Variants in KLHL29 observed in about 807,000 individuals in gnomAD.
The protein encoded by KLHL29 is kelch-like protein 29.
A neutral mutation model predicts 80.4 loss-of-function variants in KLHL29; 21 were observed. The ratio of observed to expected loss-of-function variants is 0.26; its 90% CI spans 0.19 to 0.38. The LOEUF is 0.38. Among genes scored for constraint, KLHL29 ranks in the 10% least tolerant of loss-of-function variants. The pLI, the probability that KLHL29 is intolerant of heterozygous loss-of-function variation, is 1.00. For missense variants in KLHL29, 867 were observed against 1,223.9 expected (o/e 0.71, Z 4.35); for synonymous variants, 511 against 526.8 (o/e 0.97, Z 0.41).
intron 2 of KLHL29, among the ~76,000 whole-genome samples, chr2:23,534,080 G>A (rs925123455): frequency 3.3e-5 from 5 of 152,256 alleles, no homozygotes; most frequent in African/African-American, 7.2e-5. Context: ...TTTCGGGGAT[G>A]CCTTTCCAAG....
At chr2:23,591,547 C>G (rs886896700) in intron 3 of KLHL29, among the ~76,000 whole-genome samples, 8 of 151,562 alleles carry the variant, frequency 5.3e-5, no homozygotes, top group Admixed American at 2.0e-4. Flanking sequence ...CCTCCTGCTC[C>G]TTACCCCCCA....
intron 3 of KLHL29, among the ~76,000 whole-genome samples, chr2:23,573,754 C>G (rs1043612548): frequency 2.0e-5 from 3 of 152,200 alleles, no homozygotes. Flanking sequence ...CCTTAACAGC[C>G]AGGTGGGGTG....
chr2:23,420,079 C>CG (rs949042396), intron 1 of KLHL29, among the ~76,000 whole-genome samples: 1 of 152,176 alleles, frequency 6.6e-6, no homozygotes, highest in Non-Finnish European at 1.5e-5. Context: ...GTGGCCGGCA[C>CG]GGGGGGTCCT....
intron 1 of KLHL29, among the ~76,000 whole-genome samples, chr2:23,467,852 C>A (rs1309628662): frequency 1.3e-5 from 2 of 152,018 alleles, no homozygotes; most frequent in Non-Finnish European, 2.9e-5. Flanking sequence ...CACTCTTGCA[C>A]ACGTGATCAG....
chr2:23,394,808 T>A (rs187459956), intron 1 of KLHL29, among the ~76,000 whole-genome samples: 20 of 152,302 alleles, frequency 1.3e-4, no homozygotes, highest in Admixed American at 1.2e-3. Context: ...TCTTTGCAAA[T>A]GGAACAAAAA....
At chr2:23,565,563 G>C (rs1667570059) in intron 3 of KLHL29, among the ~76,000 whole-genome samples, 1 of 152,100 alleles carries the variant, frequency 6.6e-6, no homozygotes, top group South Asian at 2.1e-4. Flanking sequence ...ACTGGTAACA[G>C]CCAGGTGACC....
intron 5 of KLHL29, among the ~76,000 whole-genome samples, chr2:23,656,432 G>T (rs1257249418): frequency 1.3e-5 from 2 of 152,244 alleles, no homozygotes; most frequent in Non-Finnish European, 2.9e-5. Flanking sequence ...CCAGGAGCAG[G>T]CATGAGAAAT....
intron 3 of KLHL29, among the ~76,000 whole-genome samples, chr2:23,582,219 G>T (rs146810714): frequency 0.014 from 2,130 of 152,280 alleles, 29 homozygotes; most frequent in Non-Finnish European, 0.024. Flanking sequence ...TTTTATGGTG[G>T]TGTGCTTTAT....
intron 2 of KLHL29, among the ~76,000 whole-genome samples, chr2:23,512,568 G>A (rs1312253354): frequency 6.6e-6 from 1 of 152,186 alleles, no homozygotes; most frequent in Non-Finnish European, 1.5e-5. Context: ...AAATGTTAGC[G>A]ATCAATATGG....
At position 23,642,716 on chromosome 2, in the gene KLHL29, A is replaced by G; in HGVS notation, c.806A>G (p.Gln269Arg). Residue 269 changes from glutamine to arginine, a missense_variant, in exon 5 of 14, where the codon CAG (glutamine) becomes CGG (arginine). By Grantham distance (43) the Gln-to-Arg change is conservative (BLOSUM62 1). Transcript: ENST00000486442. ...CTGCTGCCTCCACCGCCGCCAGCCC[A>G]GCCGTCCGCCACTCTCCCCAGTGGT... The part of the protein sequence containing the change: ...GPLLPPPPPA[Q>R]PSATLPSGAP... The G allele has an allele frequency of 1.3e-6, 2 of 1,548,744 alleles. No homozygotes were observed. Among genetic ancestry groups the G allele is most frequent in the Non-Finnish European group, 1.7e-6 (2 of 1,145,988 alleles).
chr2:23,386,830 C>G (rs1440311788), intron 1 of KLHL29, among the ~76,000 whole-genome samples: 1 of 152,156 alleles, frequency 6.6e-6, no homozygotes, highest in Admixed American at 6.5e-5. Context: ...CAGGTCGCCT[C>G]TGCGTTGCCT....
chr2:23,419,031 C>T (rs1041980756), intron 1 of KLHL29, among the ~76,000 whole-genome samples: 4 of 152,152 alleles, frequency 2.6e-5, no homozygotes, highest in African/African-American at 9.7e-5. Context: ...CCTCCAACTC[C>T]TGCCCCGTCA....
At chr2:23,641,915 C>T (rs896859259) in intron 4 of KLHL29, among the ~76,000 whole-genome samples, 6 of 152,252 alleles carry the variant, frequency 3.9e-5, no homozygotes, top group Non-Finnish European at 8.8e-5. Context: ...ACCTAGGAGG[C>T]GGAGGTTGCA....
Position 23,596,307 on chromosome 2 carries a change from T to C in KLHL29, c.285+33826T>C, listed in dbSNP as rs796080672. Among the ~76,000 whole-genome samples the C allele has an allele frequency of 1.1e-4, 16 of 152,254 alleles. 1 individual carries two copies. Among genetic ancestry groups the C allele is most frequent in the African/African-American group, 3.8e-4 (16 of 41,562 alleles). ...GTGGATTTAAATCATGCCCACCTCA[T>C]TTTGCAAGGGTTTTCTTGAGTTCTC... On this transcript the variant is annotated intron_variant, in intron 3 of 13. Coordinates refer to ENST00000486442, the MANE Select transcript of KLHL29 (RefSeq NM_052920.2). The surrounding 1 kb of genome is among the most constrained non-coding windows in gnomAD (Gnocchi z 4.4).
intron 3 of KLHL29, among the ~76,000 whole-genome samples, chr2:23,591,816 C>G (rs374027129): frequency 6.6e-6 from 1 of 152,202 alleles, no homozygotes; most frequent in Non-Finnish European, 1.5e-5. Context: ...GCTGCCCACA[C>G]CCACCCGCCC....
intron 2 of KLHL29, among the ~76,000 whole-genome samples, chr2:23,539,104 TA>T (rs1218123208): frequency 6.6e-6 from 1 of 152,182 alleles, no homozygotes; most frequent in Non-Finnish European, 1.5e-5. Flanking sequence ...TGCCAAACTC[TA>T]AAATTTTATA....
At chr2:23,454,803 A>T (rs4989093) in intron 1 of KLHL29, among the ~76,000 whole-genome samples, 31,145 of 151,084 alleles carry the variant, frequency 0.21, 4,841 homozygotes, top group African/African-American at 0.43. Flanking sequence ...ATTTTTTTTT[A>T]AATTTTGTAC....
Position 23,702,890 on chromosome 2 carries a change from G to C in KLHL29, c.2106-296G>C, listed in dbSNP as rs1197115334. 2.1e-5 allele frequency among the ~76,000 whole-genome samples: 3 copies of C among 142,406 alleles called. No homozygotes were observed. In the East Asian group the frequency reaches 5.8e-4, roughly 28 times the overall value. The allele number at this position is 142,406 out of a possible 152,430, so 93.4% of individuals were successfully genotyped here. On this transcript the variant is annotated intron_variant, in intron 11 of 13. Coordinates refer to ENST00000486442, the MANE Select transcript of KLHL29 (RefSeq NM_052920.2). ...TGCAAGGGTAGGACTGAGCTGGATAGAGAGGAGGGGAGCACTGTGTGAGCA... is the reference window on the plus strand; with the variant it reads ...TGCAAGGGTAGGACTGAGCTGGATACAGAGGAGGGGAGCACTGTGTGAGCA...
intron 3 of KLHL29, among the ~76,000 whole-genome samples, chr2:23,597,359 ATG>A (rs1668441449): frequency 1.5e-5 from 1 of 68,544 alleles, no homozygotes; most frequent in African/African-American, 5.8e-5. Context: ...GTATATGTGT[ATG>A]TATATATATA....
Sources: gnomAD v4.1 joint callset for allele counts (sites outside exome capture counted in the v4.1 genomes callset) on GRCh38, gnomAD v4.1.1 for gene constraint, Gnocchi (gnomAD v3.1) non-coding constraint, MANE v1.5 for transcripts, NCBI Gene and HGNC (gene_info 2026-07-23, HGNC 2026-07-21) for gene names.